CDX2: variants seen among roughly 807,000 people sequenced by gnomAD.
CDX2 encodes homeobox protein CDX-2.
In CDX2, 7 loss-of-function variants were observed where a neutral mutation model predicts 25.5. The ratio of observed to expected loss-of-function variants is 0.27; its 90% confidence interval spans 0.16 to 0.52. The LOEUF (loss-of-function observed/expected upper bound fraction) is 0.52. Ranked by LOEUF, CDX2 falls within the 20% of genes least tolerant of loss-of-function variation. The pLI is 0.97. For missense variants in CDX2, 375 were observed against 431.4 expected (o/e 0.87, Z 1.16); for synonymous variants, 222 against 198.6 (o/e 1.12, Z -0.99).
At chr13:27,965,450 G>A (rs1051210254) in intron 1 of CDX2, among the ~76,000 whole-genome samples, 3 of 152,202 alleles carry the variant, frequency 2.0e-5, no homozygotes, top group Non-Finnish European at 2.9e-5. Flanking sequence ...GTGGGCACAT[G>A]TTGTAGAGGG....
rs1310355324 is a variant in CDX2 at position 27,961,150 on chromosome 13, C to T, written c.*1965G>A. ...CCGACCCCACGCCCCGCACTCCTCC[C>T]TCTGGCTTCGAGGCCAGGCGCCCGC... On this transcript the variant is annotated 3_prime_UTR_variant, in exon 3 of 3. Transcript: ENST00000381020. 2.6e-5 allele frequency among the ~76,000 whole-genome samples: 4 copies of T among 152,310 alleles called. No homozygotes were observed. The highest frequency in any genetic ancestry group is 9.6e-5 in the African/African-American group (4 of 41,576).
At chr13:27,967,260 A>C (rs1401910252) in intron 1 of CDX2, 1 of 505,118 alleles carries the variant, frequency 2.0e-6, no homozygotes, top group Non-Finnish European at 3.9e-6. Context: ...GGCTCACCCG[A>C]GGCTGATCTG....
chr13:27,967,194 C>T, intron 1 of CDX2: 1 of 450,350 alleles, frequency 2.2e-6, no homozygotes, highest in South Asian at 1.7e-5. Context: ...GATCTGGGAG[C>T]CCCTGCTAGG....
chr13:27,961,120 AC>A lies in CDX2; in HGVS notation c.*1994del, dbSNP rs1464740181. On this transcript the variant is annotated 3_prime_UTR_variant, in exon 3 of 3. Coordinates refer to ENST00000381020, the MANE Select transcript of CDX2 (RefSeq NM_001265.6). ...GACACGGCTTCCTCCTCTGCCCGGC[AC>A]CCCCCGACCCCACGCCCCGCACTCC... Among the ~76,000 whole-genome samples, 1 of 150,548 alleles carries A rather than the reference AC, an allele frequency of 6.6e-6. No individual in the cohort carries two copies. The highest frequency in any genetic ancestry group is 1.5e-5 in the Non-Finnish European group (1 of 67,576).
intron 1 of CDX2, among the ~76,000 whole-genome samples, chr13:27,966,413 C>T (rs1048478989): frequency 1.2e-4 from 19 of 152,236 alleles, no homozygotes; most frequent in Admixed American, 4.6e-4. Flanking sequence ...CATTGGTACT[C>T]GCCCCTTTTT....
chr13:27,967,952 T>A (rs539299051), intron 1 of CDX2, among the ~76,000 whole-genome samples: 1 of 152,152 alleles, frequency 6.6e-6, no homozygotes, highest in South Asian at 2.1e-4. Context: ...CCAAACCCGG[T>A]CCCACACACA....
chr13:27,967,970 C>T (rs2137543611), intron 1 of CDX2, among the ~76,000 whole-genome samples: 1 of 152,292 alleles, frequency 6.6e-6, no homozygotes, highest in Non-Finnish European at 1.5e-5. Context: ...ACAGCCTAGC[C>T]ATCCTCCGAC....
At chr13:27,967,468 C>A (rs2137542693) in intron 1 of CDX2, 2 of 456,464 alleles carry the variant, frequency 4.4e-6, no homozygotes, top group East Asian at 4.1e-5. Flanking sequence ...GCAAGAAAAG[C>A]GGAAGCGCTG....
chr13:27,969,054 A>C lies in CDX2; in HGVS notation c.-48T>G. The C allele has an allele frequency of 6.8e-7, 1 of 1,461,864 alleles. No homozygotes were observed. Among genetic ancestry groups the C allele is most frequent in the Non-Finnish European group, 9.3e-7 (1 of 1,072,758 alleles). 90.6% of individuals were successfully genotyped at this position (1,461,864 alleles called of 1,614,324 possible). A position where few individuals can be genotyped will look rare whatever the true frequency, so the allele number is the denominator to read the frequency against. On this transcript the variant is annotated 5_prime_UTR_variant, in exon 1 of 3. Coordinates refer to ENST00000381020, the MANE Select transcript of CDX2 (RefSeq NM_001265.6). ...ACCTCACCATGCTGCCTGGGGACCG[A>C]CGCTGGAGGCTGCCGGGGGGCACGA...
Position 27,964,729 on chromosome 13 carries a change from A to G in CDX2, c.687+141T>C, listed in dbSNP as rs78734479. On this transcript the variant is annotated intron_variant, in intron 2 of 2. Transcript: ENST00000381020. This position sits in a 1 kb window ranked among gnomAD's most constrained non-coding sequence, Gnocchi z 4.7. Reference sequence around the variant, plus strand: ...TGTTTAAAAAAAAAAAAAAAAAAAAAAAGGACTCCAAAGACGAATGCTTGC... The same window carrying G: ...TGTTTAAAAAAAAAAAAAAAAAAAAGAAGGACTCCAAAGACGAATGCTTGC... The G allele has an allele frequency of 0.015, 7,606 of 497,840 alleles. 164 individuals are homozygous for G. The highest frequency in any genetic ancestry group is 0.07 in the African/African-American group (3,127 of 44,694). The allele number at this position is 497,840 out of a possible 1,614,324, so 30.8% of individuals were successfully genotyped here.
Position 27,964,714 on chromosome 13 carries a change from A to G in CDX2, c.687+156T>C, listed in dbSNP as rs1433421980. Among the ~76,000 whole-genome samples, 2 of 135,506 alleles carry G rather than the reference A, an allele frequency of 1.5e-5. No individual in the cohort carries two copies. The highest frequency in any genetic ancestry group is 7.3e-5 in the African/African-American group (2 of 27,548). 88.9% of individuals were successfully genotyped at this position (135,506 alleles called of 152,430 possible). ...GCAAGACCCCATCTCTGTTTAAAAA[A>G]AAAAAAAAAAAAAAAAAGGACTCCA... is the stretch of plus-strand genomic sequence containing the variant. On this transcript the variant is annotated intron_variant, in intron 2 of 2. Transcript: ENST00000381020. The surrounding 1 kb of genome is among the most constrained non-coding windows in gnomAD (Gnocchi z 4.7).
intron 1 of CDX2, chr13:27,967,175 G>T: frequency 2.3e-6 from 1 of 436,846 alleles, no homozygotes; most frequent in Non-Finnish European, 4.5e-6. Context: ...GTGGGTCTTT[G>T]GGAGCCAGGA....
chr13:27,965,784 C>G (rs1869289426), intron 1 of CDX2, among the ~76,000 whole-genome samples: 1 of 152,218 alleles, frequency 6.6e-6, no homozygotes, highest in Non-Finnish European at 1.5e-5. Flanking sequence ...TACTGAAGGG[C>G]CTTGACAAAT....
chr13:27,967,285 G>A (rs1324158868), intron 1 of CDX2: 1 of 511,544 alleles, frequency 2.0e-6, no homozygotes, highest in East Asian at 4.3e-5. Flanking sequence ...CTTCTCCCCG[G>A]TCGGCGGCAT....
rs201897709 is a variant in CDX2, at chr13:27,963,066, T to G, written c.*49A>C. 1.3e-5 allele frequency: 21 copies of G among 1,569,042 alleles called. 1 individual carries two copies. Among genetic ancestry groups the G allele is most frequent in the Non-Finnish European group, 1.7e-5 (20 of 1,156,320 alleles). Reference sequence around the variant, plus strand: ...CTGAGGAGTCTAGCAGAGTCCACGCTCCTCATGGCTCAGCCTGGAATTGCT... The same window carrying G: ...CTGAGGAGTCTAGCAGAGTCCACGCGCCTCATGGCTCAGCCTGGAATTGCT... On this transcript the variant is annotated 3_prime_UTR_variant, in exon 3 of 3. Coordinates refer to ENST00000381020, the MANE Select transcript of CDX2 (RefSeq NM_001265.6).
chr13:27,962,771 C>T lies in CDX2; in HGVS notation c.*344G>A. ...CGGCTCTAGCCAGAGGTGCAGCCTG[C>T]AGATCTAGGAAGAGAAGAGCTGGGG... On this transcript the variant is annotated 3_prime_UTR_variant, in exon 3 of 3. Transcript: ENST00000381020. 3.7e-6 allele frequency: 1 copy of T among 268,780 alleles called. No individual in the cohort carries two copies. Among genetic ancestry groups the T allele is most frequent in the Non-Finnish European group, 7.0e-6 (1 of 142,214 alleles). 16.6% of individuals were successfully genotyped at this position (268,780 alleles called of 1,614,324 possible). A position where few individuals can be genotyped will look rare whatever the true frequency, so the allele number is the denominator to read the frequency against.
rs1229659905 is a variant in CDX2 at position 27,968,820 on chromosome 13, G to T, written c.187C>A (p.Pro63Thr). The change falls in exon 1 of 3, where the codon CCA becomes ACA. Residue 63 changes from proline (P) to threonine (T), a missense_variant. Pro to Thr is a conservative substitution (Grantham distance 38, BLOSUM62 -1). This residue lies in a region of CDX2 where 253 missense variants were observed against 247.5 expected (regional missense o/e 1.02). Coordinates refer to ENST00000381020, the MANE Select transcript of CDX2 (RefSeq NM_001265.6). ...ANLDSAQSPG[P>T]SWPAAYGAPL... ...GCGCCATACGCTGCCGGCCAGGATG[G>T]CCCCGGGGACTGCGCGCTGTCCAAG... 1 of 1,558,892 alleles carries T rather than the reference G, an allele frequency of 6.4e-7. No individual in the cohort carries two copies. Among genetic ancestry groups the T allele is most frequent in the Non-Finnish European group, 8.7e-7 (1 of 1,155,882 alleles).
chr13:27,965,524 G>A (rs1000803534), intron 1 of CDX2, among the ~76,000 whole-genome samples: 2 of 152,150 alleles, frequency 1.3e-5, no homozygotes, highest in African/African-American at 4.8e-5. Context: ...CTGACAAGTC[G>A]CCAGAATCAT....
Position 27,964,042 on chromosome 13 carries a change from G to A in CDX2, c.688-673C>T, listed in dbSNP as rs547351939. Among the ~76,000 whole-genome samples the A allele has an allele frequency of 1.1e-4, 17 of 152,142 alleles. No individual in the cohort carries two copies. The highest frequency in any genetic ancestry group is 2.5e-4 in the Non-Finnish European group (17 of 68,034). ...CACACTTCTTATATCCCTCAAAAGAGAGAGACAGAAAAAATCAACAACATC... is the reference window on the plus strand; with the variant it reads ...CACACTTCTTATATCCCTCAAAAGAAAGAGACAGAAAAAATCAACAACATC... On this transcript the variant is annotated intron_variant, in intron 2 of 2. Coordinates refer to ENST00000381020, the MANE Select transcript of CDX2 (RefSeq NM_001265.6). The surrounding 1 kb of genome is among the most constrained non-coding windows in gnomAD (Gnocchi z 4.7).
Sources: allele counts gnomAD v4.1 joint callset (sites outside exome capture counted in the v4.1 genomes callset), GRCh38; gene constraint gnomAD v4.1.1; regional missense constraint gnomAD v4.1.1; non-coding constraint Gnocchi (gnomAD v3.1); transcripts MANE v1.5; gene names NCBI Gene and HGNC (gene_info 2026-07-23, HGNC 2026-07-21).